The following PPP6R2 variants were observed in gnomAD, a reference collection of about 807,000 sequenced individuals.
PPP6R2 encodes the protein protein phosphatase 6 regulatory subunit 2, also known as serine/threonine-protein phosphatase 6 regulatory subunit 2.
A neutral mutation model predicts 100.2 loss-of-function variants in PPP6R2; 62 were observed. The ratio of observed to expected loss-of-function variants is 0.62; its 90% CI spans 0.50 to 0.76. PPP6R2 has a LOEUF of 0.76. Among genes scored for constraint, PPP6R2 ranks in the 30% least tolerant of loss-of-function variants. The probability of loss-of-function intolerance (pLI) is 0.00; values close to 1 mark genes in which losing one functional copy is unlikely to be tolerated. For synonymous variants in PPP6R2, 525 were observed against 514.7 expected (o/e 1.02, Z -0.27); for missense variants, 1,142 against 1,276.3 (o/e 0.89, Z 1.60).
At chr22:50,338,470 T>G (rs1291411974), upstream of PPP6R2, among the ~76,000 whole-genome samples, 8 of 129,842 alleles carry the variant, frequency 6.2e-5, no homozygotes, top group South Asian at 2.4e-4. Context: ...TAGTGTGTGT[T>G]ATGTGTGTGT....
In PPP6R2 at chr22:50,423,908, C is replaced by G. The variant is rs995709757; in HGVS notation, c.1125+294C>G. Among the ~76,000 whole-genome samples, 1 of 152,252 alleles carries G rather than the reference C, an allele frequency of 6.6e-6. No individual in the cohort carries two copies. Reference sequence around the variant, plus strand: ...ATGGAATAGAGTGACACGTCTACCTCCTTTCTCATGTTCTGACTGAACAAC... The same window carrying G: ...ATGGAATAGAGTGACACGTCTACCTGCTTTCTCATGTTCTGACTGAACAAC... On this transcript the variant is annotated intron_variant, in intron 10 of 23. Coordinates refer to ENST00000612753, the MANE Select transcript of PPP6R2 (RefSeq NM_001242898.2). This position sits in a 1 kb window ranked among gnomAD's most constrained non-coding sequence, Gnocchi z 4.8.
chr22:50,339,029 TGTG>T (rs1444024887), upstream of PPP6R2, among the ~76,000 whole-genome samples: 6 of 135,598 alleles, frequency 4.4e-5, no homozygotes, highest in Non-Finnish European at 9.5e-5. Flanking sequence ...GTGTGTGTGG[TGTG>T]TGTGTGTGGT....
At chr22:50,413,936 CCGTCTGAGCAGCCCACTG>C (rs1290658433) in intron 4 of PPP6R2, among the ~76,000 whole-genome samples, 2 of 152,336 alleles carry the variant, frequency 1.3e-5, no homozygotes, top group African/African-American at 4.8e-5. Flanking sequence ...CTTGGATCCG[CCGTCTGAGCAGCCCACTG>C]CGTCTGTGAT....
At chr22:50,334,282 C>T in the PPP6R2 span, among the ~76,000 whole-genome samples, 14 of 152,310 alleles carry the variant, frequency 9.2e-5, no homozygotes, top group South Asian at 1.9e-3. Context: ...CTGGCGTTAC[C>T]GCTAGACCAA....
intron 13 of PPP6R2, among the ~76,000 whole-genome samples, chr22:50,435,603 G>T (rs2073030524): frequency 6.6e-6 from 1 of 152,208 alleles, no homozygotes; most frequent in Non-Finnish European, 1.5e-5. Context: ...CCCAGCTGTG[G>T]CCTCTCCTCC....
chr22:50,343,714 CCCCCCCA>C (rs2042730078), intron 1 of PPP6R2, among the ~76,000 whole-genome samples, 164 bp downstream of exon 1: 1 of 92,970 alleles, frequency 1.1e-5, no homozygotes, highest in Non-Finnish European at 2.1e-5. Flanking sequence ...GAGTCAGTGC[CCCCCCCA>C]AGTCAGTCAG....
At chr22:50,396,306 C>A (rs1244559637) in intron 3 of PPP6R2, among the ~76,000 whole-genome samples, 3 of 151,334 alleles carry the variant, frequency 2.0e-5, no homozygotes, top group Admixed American at 6.6e-5. Context: ...ACCAGCCTGA[C>A]CAACATGGTG....
rs541047138 is a variant in PPP6R2 at position 50,437,970 on chromosome 22, G to A, written c.1839+70G>A. 57 of 1,553,138 alleles carry A rather than the reference G, an allele frequency of 3.7e-5. No individual in the cohort carries two copies. In the East Asian group the frequency reaches 9.4e-4, roughly 26 times the overall value. On this transcript the variant is annotated intron_variant, in intron 17 of 23. Transcript: ENST00000612753. ...GCAGCTCAGGCCATGCCCATGGCTCGGTCTGTCATGGGCCTGTGCGGTGGG... is the reference window on the plus strand; with the variant it reads ...GCAGCTCAGGCCATGCCCATGGCTCAGTCTGTCATGGGCCTGTGCGGTGGG...
At chr22:50,333,253 T>A in the PPP6R2 span, among the ~76,000 whole-genome samples, 1 of 152,218 alleles carries the variant, frequency 6.6e-6, no homozygotes, top group African/African-American at 2.4e-5. Flanking sequence ...CTTTTCCTTA[T>A]ACTAATTCTG....
Position 50,394,370 on chromosome 22 carries a change from G to T in PPP6R2, c.227+235G>T, listed in dbSNP as rs187671173. Among the ~76,000 whole-genome samples, 36 of 151,482 alleles carry T rather than the reference G, an allele frequency of 2.4e-4. No individual in the cohort carries two copies. The East Asian group carries it at 4.1e-3, about 17-fold the overall frequency. ...AGCACTTTGGGAGGCTGAGGAGGTT[G>T]GATTAATTGAGCCCAGAAATTTGAG... On this transcript the variant is annotated intron_variant, in intron 3 of 23. Transcript: ENST00000612753.
chr22:50,397,046 G>A (rs578029643), intron 3 of PPP6R2, among the ~76,000 whole-genome samples: 10 of 152,280 alleles, frequency 6.6e-5, no homozygotes, highest in Admixed American at 4.6e-4. Flanking sequence ...ATCAGGACAG[G>A]AATCCCAGAG....
At chr22:50,338,017 G>A in the PPP6R2 span, among the ~76,000 whole-genome samples, 2 of 143,412 alleles carry the variant, frequency 1.4e-5, no homozygotes, top group Non-Finnish European at 3.1e-5. Flanking sequence ...AGTGTGTGTG[G>A]GGGGTATGTG....
intron 1 of PPP6R2, among the ~76,000 whole-genome samples, chr22:50,363,391 C>A (rs528581255): frequency 6.6e-6 from 1 of 152,340 alleles, no homozygotes; most frequent in Non-Finnish European, 1.5e-5. Context: ...AAGGCTTTTA[C>A]TTCAGAATTA....
At position 50,423,056 on chromosome 22, in the gene PPP6R2, C is replaced by T. The variant is rs2061546875; in HGVS notation, c.973-406C>T. On this transcript the variant is annotated intron_variant, in intron 9 of 23. Coordinates refer to ENST00000612753, the MANE Select transcript of PPP6R2 (RefSeq NM_001242898.2). The surrounding 1 kb of genome is among the most constrained non-coding windows in gnomAD (Gnocchi z 4.8). ...GTGTCCCCAAAGTGTGTTCATGGGA[C>T]ACTTGTTAGCTTGGTGTTCTGAGAT... 6.6e-6 allele frequency among the ~76,000 whole-genome samples: 1 copy of T among 152,142 alleles called. No homozygotes were observed. Among genetic ancestry groups the T allele is most frequent in the South Asian group, 2.1e-4 (1 of 4,830 alleles).
rs1403718607 is a variant in PPP6R2 at position 50,431,462 on chromosome 22, C to T, written c.1335+80C>T. ...TGTCCATGTCAGCGCTGACGTGTGCCGGACCTCACTGTGCAGCTGACACGG... is the reference window on the plus strand; with the variant it reads ...TGTCCATGTCAGCGCTGACGTGTGCTGGACCTCACTGTGCAGCTGACACGG... On this transcript the variant is annotated intron_variant, in intron 11 of 23. Coordinates refer to ENST00000612753, the MANE Select transcript of PPP6R2 (RefSeq NM_001242898.2). The surrounding 1 kb of genome is among the most constrained non-coding windows in gnomAD (Gnocchi z 4.8). The T allele has an allele frequency of 4.6e-6, 6 of 1,298,604 alleles. No homozygotes were observed. In the Admixed American group the frequency reaches 1.2e-4, roughly 26 times the overall value. 80.4% of individuals were successfully genotyped at this position (1,298,604 alleles called of 1,614,324 possible). A position where few individuals can be genotyped will look rare whatever the true frequency, so the allele number is the denominator to read the frequency against.
rs913128654 is a variant in PPP6R2, at chr22:50,444,593, C to T, written c.*346C>T. Reference sequence around the variant, plus strand: ...CCAGGACCTGATGGGCCAGGAAGGGCGTGGACATGGAGGCTGTTTTTACAG... The same window carrying T: ...CCAGGACCTGATGGGCCAGGAAGGGTGTGGACATGGAGGCTGTTTTTACAG... On this transcript the variant is annotated 3_prime_UTR_variant, in exon 24 of 24. Coordinates refer to ENST00000612753, the MANE Select transcript of PPP6R2 (RefSeq NM_001242898.2). The T allele has an allele frequency of 1.3e-4, 37 of 285,984 alleles. No homozygotes were observed. The highest frequency in any genetic ancestry group is 7.6e-4 in the African/African-American group (33 of 43,298). The allele number at this position is 285,984 out of a possible 1,614,324, so 17.7% of individuals were successfully genotyped here.
In PPP6R2 at chr22:50,444,098, G is replaced by A. The variant is rs555973226; in HGVS notation, c.2812G>A (p.Gly938Arg). 5.0e-6 allele frequency: 8 copies of A among 1,612,692 alleles called. No individual in the cohort carries two copies. The highest frequency in any genetic ancestry group is 4.4e-5 in the South Asian group (4 of 91,060). ...AGCCCCAGCCATGGTGGCCACCCTG[G>A]GGACAGTGACAAAGGACGGGTGAGC... ...TAAPAMVATLGTVTKDGKTDA... is the reference protein window; with the variant it reads ...TAAPAMVATLRTVTKDGKTDA... The change falls in exon 23 of 24, where the codon GGG becomes AGG. Residue 938 changes from glycine to arginine, a missense_variant. By Grantham distance (125) the Gly-to-Arg change is moderately radical. Around this residue, in one of 2 missense-constraint regions of PPP6R2, gnomAD observed 550 missense variants for 517.4 expected, o/e 1.06. Transcript: ENST00000612753.
At position 50,432,295 on chromosome 22, in the gene PPP6R2, A is replaced by G; in HGVS notation, c.1366A>G (p.Ile456Val). Residue 456 changes from isoleucine to valine, a missense_variant, in exon 12 of 24, where the codon ATC (isoleucine) becomes GTC (valine). Physicochemically the swap from Ile to Val is conservative, Grantham distance 29. Coordinates refer to ENST00000612753, the MANE Select transcript of PPP6R2 (RefSeq NM_001242898.2). ...CCAGAAGTGCTGCCTGGTGCAGAGG[A>G]TCCTGGAGGCCTGGGAAGCCAACGA... Reference protein sequence around the residue: ...LFQKCCLVQRILEAWEANDHT... With the variant: ...LFQKCCLVQRVLEAWEANDHT... 1.3e-6 allele frequency: 2 copies of G among 1,549,726 alleles called. No individual in the cohort carries two copies. The highest frequency in any genetic ancestry group is 4.9e-5 in the East Asian group (2 of 40,940).
chr22:50,392,397 T>C (rs964476443), intron 2 of PPP6R2, among the ~76,000 whole-genome samples: 15 of 149,956 alleles, frequency 1.0e-4, no homozygotes, highest in Non-Finnish European at 1.6e-4. Flanking sequence ...TGTCAGTGTA[T>C]ATATGGAGTC....
Sources: allele counts gnomAD v4.1 joint callset (sites outside exome capture counted in the v4.1 genomes callset), GRCh38; gene constraint gnomAD v4.1.1; regional missense constraint gnomAD v4.1.1; non-coding constraint Gnocchi (gnomAD v3.1); transcripts MANE v1.5; gene names NCBI Gene and HGNC (gene_info 2026-07-23, HGNC 2026-07-21).